Variants in MAX observed in about 807,000 individuals in gnomAD.
MAX encodes MYC associated transcriptional regulator X.
MAX carries 3 observed loss-of-function variants against 22.3 expected under a neutral mutation model. That is an observed-to-expected ratio of 0.13 (90% CI 0.06 to 0.35). The LOEUF is 0.35. Ranked by LOEUF, MAX falls within the 10% of genes least tolerant of loss-of-function variation. The pLI, the probability that MAX is intolerant of heterozygous loss-of-function variation, is 1.00. For synonymous variants in MAX, 72 were observed against 77.7 expected (o/e 0.93, Z 0.39); for missense variants, 119 against 209.4 (o/e 0.57, Z 2.66).
In MAX at chr14:65,054,765, C is replaced by T. The variant is rs867102810; in HGVS notation, c.171+38943G>A. 4.8e-6 allele frequency: 7 copies of T among 1,469,620 alleles called. No homozygotes were observed. In the African/African-American group the frequency reaches 8.4e-5, roughly 18 times the overall value. The allele number at this position is 1,469,620 out of a possible 1,614,324, so 91.0% of individuals were successfully genotyped here. A position where few individuals can be genotyped will look rare whatever the true frequency, so the allele number is the denominator to read the frequency against. On this transcript the variant is annotated intron_variant, in intron 3 of 3. Coordinates refer to the MAX transcript ENST00000341653. The surrounding 1 kb of genome is among the most constrained non-coding windows in gnomAD (Gnocchi z 4.4). ...CAGAAGGCTTTCCAAGTAAGCAGAA[C>T]TGGCTCTGCATTTCCTGTGTGGACA...
intron 3 of MAX, among the ~76,000 whole-genome samples, chr14:65,053,668 A>G (rs1389401249): frequency 6.6e-6 from 1 of 152,174 alleles, no homozygotes; most frequent in African/African-American, 2.4e-5. Context: ...AATAGGATAC[A>G]GGATTTTAAA....
intron 3 of MAX, among the ~76,000 whole-genome samples, chr14:65,038,543 C>A (rs1185646213): frequency 2.6e-5 from 4 of 151,674 alleles, no homozygotes; most frequent in Non-Finnish European, 5.9e-5. Context: ...CATGGTGAAA[C>A]CCTGTCTTTA....
Position 65,007,112 on chromosome 14 carries a change from T to C in MAX, c.172-828A>G, listed in dbSNP as rs2061607019. 6.6e-6 allele frequency among the ~76,000 whole-genome samples: 1 copy of C among 152,224 alleles called. No homozygotes were observed. Among genetic ancestry groups the C allele is most frequent in the African/African-American group, 2.4e-5 (1 of 41,454 alleles). ...TATTGGAGATACTATACATTTTGGC[T>C]GAATGGCTGAGTATATAATTCAACA... is the stretch of plus-strand genomic sequence containing the variant. On this transcript the variant is annotated intron_variant, in intron 3 of 3. Transcript: ENST00000341653. The surrounding 1 kb of genome is among the most constrained non-coding windows in gnomAD (Gnocchi z 4.9).
In MAX at chr14:65,054,586, TCTACCACACCTG is replaced by T; in HGVS notation, c.171+39110_171+39121del. 6.2e-7 allele frequency: 1 copy of T among 1,613,362 alleles called. No individual in the cohort carries two copies. The highest frequency in any genetic ancestry group is 8.5e-7 in the Non-Finnish European group (1 of 1,179,738). On this transcript the variant is annotated intron_variant, in intron 3 of 3. Coordinates refer to the MAX transcript ENST00000341653. This position sits in a 1 kb window ranked among gnomAD's most constrained non-coding sequence, Gnocchi z 4.4. ...GCCTGTCCTTACAGGTCGCGTGATT[TCTACCACACCTG>T]CTACTGCCTGAGCGGCCTGTCCATA...
At chr14:65,037,914 G>C (rs1034019155) in intron 3 of MAX, among the ~76,000 whole-genome samples, 2 of 151,530 alleles carry the variant, frequency 1.3e-5, no homozygotes, top group African/African-American at 4.8e-5. Context: ...CAAGTAGCTG[G>C]GATTATAGGC....
At chr14:65,059,018 TTTTC>T (rs1475878335) in intron 3 of MAX, among the ~76,000 whole-genome samples, 2 of 152,104 alleles carry the variant, frequency 1.3e-5, no homozygotes, top group African/African-American at 4.8e-5. Context: ...CTCTTACCTT[TTTTC>T]TTTTTCTTTT....
chr14:65,073,746 C>T (rs768735195), downstream of MAX, among the ~76,000 whole-genome samples: 17 of 152,316 alleles, frequency 1.1e-4, no homozygotes, highest in Admixed American at 6.5e-4. Context: ...TTTGACTTGG[C>T]CTTTTCAGCT....
At chr14:65,021,846 A>G in intron 3 of MAX, 1 of 438,542 alleles carries the variant, frequency 2.3e-6, no homozygotes, top group South Asian at 1.6e-5. Context: ...GGGTTTCACC[A>G]TGTTGGCCAG....
rs115675466 is a variant in MAX at position 65,064,748 on chromosome 14, G to A, written c.171+28960C>T. On this transcript the variant is annotated intron_variant, in intron 3 of 3. Transcript: ENST00000341653. ...TTAGAAGCACGTAGTTTTTGGGAAC[G>A]GGGAAGGAACAAAGCTCCAAATGCA... Among the ~76,000 whole-genome samples the A allele has an allele frequency of 5.7e-3, 874 of 152,352 alleles. 5 individuals carry two copies. Among genetic ancestry groups the A allele is most frequent in the African/African-American group, 0.019 (806 of 41,594 alleles).
At chr14:65,041,943 C>T (rs2062362596) in intron 3 of MAX, among the ~76,000 whole-genome samples, 1 of 152,202 alleles carries the variant, frequency 6.6e-6, no homozygotes, top group Non-Finnish European at 1.5e-5. Context: ...AACCCTGTCC[C>T]TACTACATTT....
downstream of MAX, among the ~76,000 whole-genome samples, chr14:65,074,187 A>G (rs1566594486): frequency 2.0e-5 from 3 of 152,268 alleles, no homozygotes; most frequent in Admixed American, 6.5e-5. Context: ...GTTAAGGGCA[A>G]TGAAAAAGAG....
chr14:65,010,168 C>T (rs907110112), intron 3 of MAX, among the ~76,000 whole-genome samples: 1 of 152,180 alleles, frequency 6.6e-6, no homozygotes, highest in African/African-American at 2.4e-5. Flanking sequence ...TTCTCTCCTC[C>T]CTGATGGCCT....
chr14:65,078,135 G>A lies in MAX; in HGVS notation c.172-99C>T, dbSNP rs752275550. On this transcript the variant is annotated intron_variant, in intron 3 of 4. Coordinates refer to ENST00000358664, the MANE Select transcript of MAX (RefSeq NM_002382.5). The surrounding 1 kb of genome is among the most constrained non-coding windows in gnomAD (Gnocchi z 6.4). ...AGCAACTGCTTGGGTGGCTGGAAACGAGAGGGTAAGGTGGGAAAAGGCTGA... is the reference window on the plus strand; with the variant it reads ...AGCAACTGCTTGGGTGGCTGGAAACAAGAGGGTAAGGTGGGAAAAGGCTGA... The A allele has an allele frequency of 3.0e-6, 4 of 1,330,292 alleles. No individual in the cohort carries two copies. In the South Asian group the frequency reaches 3.6e-5, roughly 12 times the overall value. The allele number at this position is 1,330,292 out of a possible 1,614,324, so 82.4% of individuals were successfully genotyped here.
intron 3 of MAX, among the ~76,000 whole-genome samples, chr14:65,055,443 C>T (rs2139681431): frequency 6.6e-6 from 1 of 152,294 alleles, no homozygotes; most frequent in Middle Eastern, 3.4e-3. Flanking sequence ...CTGCTACCAT[C>T]TAGGTCACTG....
rs1438927518 is a variant in MAX, at chr14:65,011,724, G to A, written c.172-5440C>T. The stretch of plus-strand genomic sequence containing the variant: ...ATTCCATCTTAAAGCCAGTATTGCT[G>A]ACTTGAAAGCCAAGGACAGCGACTG... On this transcript the variant is annotated intron_variant, in intron 3 of 3. Coordinates refer to the MAX transcript ENST00000341653. The surrounding 1 kb of genome is among the most constrained non-coding windows in gnomAD (Gnocchi z 4.0). 6.6e-6 allele frequency among the ~76,000 whole-genome samples: 1 copy of A among 152,224 alleles called. No individual in the cohort carries two copies. Among genetic ancestry groups the A allele is most frequent in the Non-Finnish European group, 1.5e-5 (1 of 68,042 alleles).
intron 3 of MAX, among the ~76,000 whole-genome samples, chr14:65,006,759 T>A (rs2061600779): frequency 6.6e-6 from 1 of 152,244 alleles, no homozygotes; most frequent in African/African-American, 2.4e-5. Context: ...TCTCTTTCAT[T>A]CCTTTTTTAA....
intron 3 of MAX, among the ~76,000 whole-genome samples, chr14:65,035,328 C>T (rs970869001): frequency 2.6e-5 from 4 of 152,188 alleles, no homozygotes; most frequent in African/African-American, 4.8e-5. Context: ...TCAAACTCCA[C>T]CAAAATCTGC....
chr14:65,073,634 T>C (rs2063011150), downstream of MAX, among the ~76,000 whole-genome samples: 1 of 152,186 alleles, frequency 6.6e-6, no homozygotes, highest in Non-Finnish European at 1.5e-5. Flanking sequence ...AGATTACCAT[T>C]ACTGTGAGAG....
At chr14:65,033,431 G>A (rs12434868) in intron 3 of MAX, among the ~76,000 whole-genome samples, 11,276 of 152,262 alleles carry the variant, frequency 0.074, 627 homozygotes, top group East Asian at 0.28. Context: ...CTGCATAGGA[G>A]ACTTCAGCTG....
Sources: gnomAD v4.1 joint callset for allele counts (sites outside exome capture counted in the v4.1 genomes callset) on GRCh38, gnomAD v4.1.1 for gene constraint, Gnocchi (gnomAD v3.1) non-coding constraint, MANE v1.5 for transcripts, NCBI Gene and HGNC (gene_info 2026-07-23, HGNC 2026-07-21) for gene names.